Variants in CACNA2D1 observed in about 807,000 individuals in gnomAD.
The protein encoded by CACNA2D1 is voltage-dependent calcium channel subunit alpha-2/delta-1.
A neutral mutation model predicts 171.5 loss-of-function variants in CACNA2D1; 53 were observed. The ratio of observed to expected loss-of-function variants is 0.31; its 90% CI spans 0.25 to 0.39. CACNA2D1 has a LOEUF of 0.39. Ranked by LOEUF, CACNA2D1 falls within the 10% of genes least tolerant of loss-of-function variation. CACNA2D1 has a pLI of 1.00. For missense variants in CACNA2D1, 903 were observed against 1,299.8 expected (o/e 0.69, Z 4.69); for synonymous variants, 442 against 443.1 (o/e 1.00, Z 0.03).
intron 1 of CACNA2D1, among the ~76,000 whole-genome samples, chr7:82,384,046 T>C (rs1824025772): frequency 6.6e-6 from 1 of 152,116 alleles, no homozygotes; most frequent in Non-Finnish European, 1.5e-5. Context: ...AAATAAGAAA[T>C]TGTGAGAGAT....
At chr7:82,387,682 T>C (rs577462597) in intron 1 of CACNA2D1, among the ~76,000 whole-genome samples, 38 of 152,268 alleles carry the variant, frequency 2.5e-4, no homozygotes, top group Non-Finnish European at 4.9e-4. Context: ...ATAGTAATAG[T>C]TGCTTATTTT....
intron 1 of CACNA2D1, among the ~76,000 whole-genome samples, chr7:82,430,484 T>A (rs1169271190): frequency 6.6e-6 from 1 of 152,048 alleles, no homozygotes; most frequent in Non-Finnish European, 1.5e-5. Flanking sequence ...CATCAAGTTG[T>A]AATCATTAAT....
At chr7:82,224,732 TCGTCCC>T (rs1802171695) in intron 3 of CACNA2D1, among the ~76,000 whole-genome samples, 1 of 152,204 alleles carries the variant, frequency 6.6e-6, no homozygotes, top group Admixed American at 6.5e-5. Flanking sequence ...GGCTGTTTAC[TCGTCCC>T]CAGGCCACAT....
At chr7:81,985,758 G>A (rs37091) in intron 21 of CACNA2D1, among the ~76,000 whole-genome samples, 3,634 of 152,230 alleles carry the variant, frequency 0.024, 139 homozygotes, top group African/African-American at 0.076. Context: ...TAGGAAATGT[G>A]TCTTGAGTTT....
rs1171335709 is a variant in CACNA2D1 at position 81,968,951 on chromosome 7, T to C, written c.2331A>G (p.Glu777=). The change falls in exon 29 of 39, where the codon GAA becomes GAG. Residue 777 remains glutamate, a synonymous_variant. Coordinates refer to ENST00000356860, the MANE Select transcript of CACNA2D1 (RefSeq NM_000722.4). ...YFNKSGPGAY[E]SGIMVSKAVE... is the part of the protein sequence containing the mutation. The stretch of plus-strand genomic sequence containing the variant: ...CAGCTTTGCTTACCATAATGCCCGA[T>C]TCATAGGCACCAGGTCCACTTTCTA... The C allele has an allele frequency of 6.3e-7, 1 of 1,591,040 alleles. No individual in the cohort carries two copies. The highest frequency in any genetic ancestry group is 1.7e-5 in the Admixed American group (1 of 59,678).
chr7:82,407,679 C>T (rs927823763), intron 1 of CACNA2D1, among the ~76,000 whole-genome samples: 2 of 152,132 alleles, frequency 1.3e-5, no homozygotes, highest in African/African-American at 2.4e-5. Context: ...TAAGACACAG[C>T]ATCTGCACTT....
chr7:82,021,364 G>C (rs1182515548), intron 12 of CACNA2D1, among the ~76,000 whole-genome samples: 1 of 152,040 alleles, frequency 6.6e-6, no homozygotes, highest in Non-Finnish European at 1.5e-5. Context: ...TTATATAAAC[G>C]GAAGTGTTCC....
chr7:82,162,230 T>G (rs2129134315), intron 4 of CACNA2D1, among the ~76,000 whole-genome samples: 1 of 152,054 alleles, frequency 6.6e-6, no homozygotes, highest in South Asian at 2.1e-4. Flanking sequence ...TCCACATAAC[T>G]TTTGGAGGTT....
intron 3 of CACNA2D1, among the ~76,000 whole-genome samples, chr7:82,183,529 G>A (rs993596400): frequency 2.0e-5 from 3 of 152,072 alleles, no homozygotes; most frequent in Non-Finnish European, 4.4e-5. Context: ...GAAAATATGG[G>A]TAGAGGAGAG....
At chr7:82,377,385 A>G (rs7778805) in intron 1 of CACNA2D1, among the ~76,000 whole-genome samples, 11,097 of 152,214 alleles carry the variant, frequency 0.073, 583 homozygotes, top group African/African-American at 0.15. Context: ...CTTGTCCCCT[A>G]TTTTATTTTC....
chr7:82,132,554 CCT>C (rs1414000580), intron 5 of CACNA2D1, among the ~76,000 whole-genome samples: 1 of 152,114 alleles, frequency 6.6e-6, no homozygotes, highest in African/African-American at 2.4e-5. Context: ...TTGTCACTTG[CCT>C]CTCTCCTCTA....
chr7:81,987,405 T>C (rs1176876111), intron 21 of CACNA2D1, among the ~76,000 whole-genome samples: 1 of 152,190 alleles, frequency 6.6e-6, no homozygotes, highest in African/African-American at 2.4e-5. Context: ...CAGTGTTTTG[T>C]GACTGACAGA....
chr7:82,304,376 G>A (rs117756390), intron 3 of CACNA2D1, among the ~76,000 whole-genome samples: 2,336 of 150,668 alleles, frequency 0.016, 19 homozygotes, highest in South Asian at 0.039. Flanking sequence ...GAAAATCAGC[G>A]TATTAAAAGG....
chr7:82,369,154 AAG>A lies in CACNA2D1; in HGVS notation c.96-19507_96-19506del, dbSNP rs1822073974. Among the ~76,000 whole-genome samples, 10 of 152,232 alleles carry A rather than the reference AAG, an allele frequency of 6.6e-5. No individual in the cohort carries two copies. The South Asian group carries it at 1.9e-3, about 28-fold the overall frequency. On this transcript the variant is annotated intron_variant, in intron 1 of 38. Coordinates refer to ENST00000356860, the MANE Select transcript of CACNA2D1 (RefSeq NM_000722.4). ...ATAAAATTTACATACAATTATCAAA[AAG>A]AGTTTTGCATTTCATAGTAATTATT...
chr7:82,088,034 T>C (rs1046536538), intron 6 of CACNA2D1, among the ~76,000 whole-genome samples: 1 of 152,172 alleles, frequency 6.6e-6, no homozygotes, highest in Middle Eastern at 3.2e-3. Flanking sequence ...CCTATCTCTG[T>C]TTCTGTCTGT....
intron 1 of CACNA2D1, among the ~76,000 whole-genome samples, chr7:82,394,176 A>G (rs992324935): frequency 2.0e-5 from 3 of 152,202 alleles, no homozygotes; most frequent in Non-Finnish European, 2.9e-5. Flanking sequence ...GGAGGGCTCC[A>G]AAAGACACAT....
chr7:82,094,896 T>C (rs1455771951), intron 6 of CACNA2D1, among the ~76,000 whole-genome samples: 2 of 152,094 alleles, frequency 1.3e-5, no homozygotes, highest in Non-Finnish European at 2.9e-5. Flanking sequence ...AACCTTTAAA[T>C]ACCCTCCCTC....
At chr7:82,438,241 C>T (rs1374793771) in intron 1 of CACNA2D1, among the ~76,000 whole-genome samples, 3 of 152,136 alleles carry the variant, frequency 2.0e-5, no homozygotes, top group Non-Finnish European at 4.4e-5. Context: ...AAGGTATGCA[C>T]ACTTGTTAAT....
At chr7:82,018,506 T>A (rs981976893) in intron 12 of CACNA2D1, among the ~76,000 whole-genome samples, 1 of 152,188 alleles carries the variant, frequency 6.6e-6, no homozygotes, top group African/African-American at 2.4e-5. Context: ...AATCTTTTTA[T>A]TTAATATTAA....
Sources: allele counts gnomAD v4.1 joint callset (sites outside exome capture counted in the v4.1 genomes callset), GRCh38; gene constraint gnomAD v4.1.1; transcripts MANE v1.5; gene names NCBI Gene and HGNC (gene_info 2026-07-23, HGNC 2026-07-21).